The following NEB variants were observed in gnomAD, a reference collection of about 807,000 sequenced individuals.
NEB encodes nemaline myopathy type 2.
In NEB, 512 loss-of-function variants were observed where a neutral mutation model predicts 952.2. That is an observed-to-expected ratio of 0.54 (90% CI 0.50 to 0.58). The LOEUF is 0.58. NEB is among the 20% of genes least tolerant of loss of function. The probability of loss-of-function intolerance (pLI) is 0.00; values close to 1 mark genes in which losing one functional copy is unlikely to be tolerated. For synonymous variants in NEB, 2,900 were observed against 3,149.8 expected, an observed-to-expected ratio of 0.92 and a Z score of 2.66; for missense variants, 8,428 against 9,231.1, an observed-to-expected ratio of 0.91 and a Z score of 3.56.
chr2:151,493,433 CTT>C lies in NEB; in HGVS notation c.24683_24684del (p.Lys8228ArgfsTer19). ...GTCGGAGTTGCTTTTCTCATGTTCT[CTT>C]TGTACAATACCTAGGGAAGCCAAAA... Reference protein sequence around the residue: ...NQENFSSVLYKENMRKATPTP... With the variant: ...NQENFSSVLYXENMRKATPTP... On this transcript the variant is annotated frameshift_variant, in exon 176 of 182. Coordinates refer to ENST00000397345, the MANE Select transcript of NEB (RefSeq NM_001164508.2). LOFTEE classifies it high-confidence loss of function. 1 of 1,600,682 alleles carries C rather than the reference CTT, an allele frequency of 6.2e-7. No individual in the cohort carries two copies. The highest frequency in any genetic ancestry group is 8.5e-7 in the Non-Finnish European group (1 of 1,175,514).
At chr2:151,683,238 T>C (rs1233769941) in intron 28 of NEB, among the ~76,000 whole-genome samples, 1 of 152,228 alleles carries the variant, frequency 6.6e-6, no homozygotes, top group Non-Finnish European at 1.5e-5. Context: ...TTTGCACACA[T>C]GGCCCTTCAT....
chr2:151,542,541 C>T (rs1211765555), intron 135 of NEB, among the ~76,000 whole-genome samples: 1 of 152,138 alleles, frequency 6.6e-6, no homozygotes. Context: ...ATCCCAGTTA[C>T]TCGGGCCAGA....
At chr2:151,706,407 T>C (rs1379270217) in intron 13 of NEB, among the ~76,000 whole-genome samples, 1 of 152,248 alleles carries the variant, frequency 6.6e-6, no homozygotes, top group East Asian at 1.9e-4. Context: ...TAATATGCTT[T>C]AAATTGAACG....
chr2:151,704,681 G>A (rs765641775), intron 13 of NEB, among the ~76,000 whole-genome samples: 219 of 152,286 alleles, frequency 1.4e-3, no homozygotes, highest in Non-Finnish European at 2.0e-3. Context: ...GACCCCTTGC[G>A]CTTCCCAAGT....
Position 151,547,202 on chromosome 2 carries a change from A to G in NEB, c.20367+227T>C, listed in dbSNP as rs542001695. ...GTAGAATGGTGGTCACTGAGTGATC[A>G]AGAATGATGGCAATTCTGTCTTCCC... is the stretch of plus-strand genomic sequence containing the variant. On this transcript the variant is annotated intron_variant, in intron 133 of 181. Coordinates refer to ENST00000397345, the MANE Select transcript of NEB (RefSeq NM_001164508.2). Among the ~76,000 whole-genome samples the G allele has an allele frequency of 4.3e-4, 65 of 152,300 alleles. No individual in the cohort carries two copies. In the Middle Eastern group the frequency reaches 0.01, roughly 24 times the overall value.
At position 151,682,221 on chromosome 2, in the gene NEB, G is replaced by T. The variant is rs184292927; in HGVS notation, c.2943+441C>A. On this transcript the variant is annotated intron_variant, in intron 29 of 181. Coordinates refer to ENST00000397345, the MANE Select transcript of NEB (RefSeq NM_001164508.2). ...GCTGAAGATGAGAGCTGAAATTTTGGGGGGAAACTTTTTGGGGTATTGCAG... is the reference window on the plus strand; with the variant it reads ...GCTGAAGATGAGAGCTGAAATTTTGTGGGGAAACTTTTTGGGGTATTGCAG... Among the ~76,000 whole-genome samples, 415 of 152,210 alleles carry T rather than the reference G, an allele frequency of 2.7e-3. 3 individuals carry two copies. The highest frequency in any genetic ancestry group is 3.9e-3 in the Non-Finnish European group (262 of 68,004).
At chr2:151,641,865 C>G (rs1461054337) in intron 60 of NEB, among the ~76,000 whole-genome samples, 1 of 152,066 alleles carries the variant, frequency 6.6e-6, no homozygotes, top group Non-Finnish European at 1.5e-5. Context: ...GCACAACGTG[C>G]AGGTTTGTTA....
chr2:151,679,869 G>C (rs1354336691), intron 31 of NEB, 41 bp from the exon 32 acceptor site: 2 of 1,605,312 alleles, frequency 1.2e-6, no homozygotes, highest in Non-Finnish European at 1.7e-6. Flanking sequence ...TAGAGACTGT[G>C]TTAGTAAAGT....
Position 151,609,840 on chromosome 2 carries a change from T to G in NEB, c.12299A>C (p.Gln4100Pro). ...CTGCAGGTCATAGGCCTTTTTTGCT[T>G]GGATAATGTCGTTTTGATCCGGCAT... ...TCMPDQNDII[Q>P]AKKAYDLQSD... The change falls in exon 81 of 182, where the codon CAA becomes CCA. Residue 4100 changes from glutamine (Q) to proline (P), a missense_variant. Around this residue, in one of 11 missense-constraint regions of NEB, gnomAD observed 337 missense variants for 297.5 expected, o/e 1.13. Transcript: ENST00000397345. The G allele has an allele frequency of 6.3e-7, 1 of 1,599,262 alleles. No individual in the cohort carries two copies. The highest frequency in any genetic ancestry group is 2.2e-5 in the East Asian group (1 of 44,662).
At chr2:151,544,386 G>T (rs2094456595) in intron 135 of NEB, among the ~76,000 whole-genome samples, 2 of 152,058 alleles carry the variant, frequency 1.3e-5, no homozygotes, top group Admixed American at 1.3e-4. Context: ...TTCAACACAG[G>T]CTACATATTA....
At chr2:151,531,301 TTTC>T (rs1391514036) in intron 144 of NEB, among the ~76,000 whole-genome samples, 200 bp from the exon 145 acceptor site, 1 of 146,036 alleles carries the variant, frequency 6.8e-6, no homozygotes, top group Non-Finnish European at 1.5e-5. Flanking sequence ...ACTCTCTTTT[TTTC>T]TTTCTTTTTT....
intron 123 of NEB, 137 bp downstream of exon 123, chr2:151,560,867 G>T: frequency 1.3e-6 from 1 of 757,028 alleles, no homozygotes; most frequent in Non-Finnish European, 2.1e-6. Context: ...ATTTTATGAG[G>T]TAAAGTAAGA....
intron 13 of NEB, among the ~76,000 whole-genome samples, chr2:151,705,213 CTCT>C (rs1296131923): frequency 2.0e-5 from 3 of 152,096 alleles, no homozygotes; most frequent in African/African-American, 7.2e-5. Flanking sequence ...TTACTACTAA[CTCT>C]TCTTCTCTGC....
At chr2:151,693,188 T>G (rs1487750284) in intron 20 of NEB, among the ~76,000 whole-genome samples, 1 of 152,242 alleles carries the variant, frequency 6.6e-6, no homozygotes, top group Non-Finnish European at 1.5e-5. Flanking sequence ...TACTTGTCTG[T>G]GTTTCTTTTC....
intron 143 of NEB, among the ~76,000 whole-genome samples, chr2:151,532,385 T>C (rs1239165463): frequency 3.3e-5 from 5 of 152,114 alleles, no homozygotes; most frequent in Admixed American, 2.6e-4. Context: ...ACATGTACAA[T>C]CTCCAAAGGC....
rs777705062 is a variant in NEB, at chr2:151,665,446, C to G, written c.5125G>C (p.Glu1709Gln). The G allele has an allele frequency of 2.5e-6, 4 of 1,613,472 alleles. No individual in the cohort carries two copies. In the African/African-American group the frequency reaches 4.0e-5, roughly 16 times the overall value. Residue 1709 changes from glutamate (E) to glutamine (Q), a missense_variant, in exon 42 of 182, where the codon GAG (glutamate) becomes CAG (glutamine). Glu to Gln is a conservative substitution (Grantham distance 29). Transcript: ENST00000397345. ...CGATACTTCTTCTCACTAAGAATCTCTCCTGCTTTCTTTGCCTTCTCCACC... is the reference window on the plus strand; with the variant it reads ...CGATACTTCTTCTCACTAAGAATCTGTCCTGCTTTCTTTGCCTTCTCCACC... ...LEVEKAKKAG[E>Q]ILSEKKYRQH...
rs2066256531 is a variant in NEB at position 151,503,390 on chromosome 2, C to G, written c.23794G>C (p.Glu7932Gln). The G allele has an allele frequency of 1.2e-6, 2 of 1,612,816 alleles. No individual in the cohort carries two copies. The highest frequency in any genetic ancestry group is 1.7e-5 in the Admixed American group (1 of 59,976). ...TGATTGCGTTTGACTCTCTCAATCT[C>G]TGGAGTCACAGTGGTTGGAATGCCT... ...GTGIPTTVTP[E>Q]IERVKRNQEN... The change falls in exon 166 of 182, where the codon GAG becomes CAG. Residue 7932 changes from glutamate (E) to glutamine (Q), a missense_variant. Glu to Gln is a conservative substitution (Grantham distance 29). Transcript: ENST00000397345.
rs377434935 is a variant in NEB at position 151,563,571 on chromosome 2, G to A, written c.18693+35C>T. ...GCAGACACGGCAGCACACTTATGGG[G>A]CACAAATCCCGTGTTAAAGTGGACA... On this transcript the variant is annotated intron_variant, in intron 119 of 181. Coordinates refer to ENST00000397345, the MANE Select transcript of NEB (RefSeq NM_001164508.2). 8.4e-6 allele frequency: 13 copies of A among 1,548,046 alleles called. No individual in the cohort carries two copies. The African/African-American group carries it at 1.5e-4, about 18-fold the overall frequency.
chr2:151,658,197 G>A lies in NEB; in HGVS notation c.6076-107C>T, dbSNP rs549346797. Reference sequence around the variant, plus strand: ...GCGTCTTTTTTTTTGTTTTTGAGCAGAATGCTTCGTTGGTGCTTCAGTGGC... The same window carrying A: ...GCGTCTTTTTTTTTGTTTTTGAGCAAAATGCTTCGTTGGTGCTTCAGTGGC... On this transcript the variant is annotated intron_variant, in intron 47 of 181. Transcript: ENST00000397345. 21 of 762,808 alleles carry A rather than the reference G, an allele frequency of 2.8e-5. 1 individual carries two copies. The South Asian group carries it at 3.5e-4, about 13-fold the overall frequency. The allele number at this position is 762,808 out of a possible 1,614,324, so 47.3% of individuals were successfully genotyped here. A position where few individuals can be genotyped will look rare whatever the true frequency, so the allele number is the denominator to read the frequency against.
Sources: gnomAD v4.1 joint callset for allele counts (sites outside exome capture counted in the v4.1 genomes callset) on GRCh38, gnomAD v4.1.1 for gene constraint, gnomAD v4.1.1 regional missense constraint, MANE v1.5 for transcripts, NCBI Gene and HGNC (gene_info 2026-07-23, HGNC 2026-07-21) for gene names.